Variants in ARFGEF1 observed in about 807,000 individuals in gnomAD.
ARFGEF1 encodes the protein brefeldin A-inhibited guanine nucleotide-exchange protein 1.
A neutral mutation model predicts 231.0 loss-of-function variants in ARFGEF1; 42 were observed. The observed-to-expected ratio is 0.18, with a 90% CI of 0.14 to 0.24. The LOEUF (loss-of-function observed/expected upper bound fraction) is 0.24, where lower values mean the gene tolerates loss of function less well. Among genes scored for constraint, ARFGEF1 ranks in the 10% least tolerant of loss-of-function variants. ARFGEF1 has a pLI of 1.00. For synonymous variants in ARFGEF1, 710 were observed against 732.3 expected, an observed-to-expected ratio of 0.97 and a Z score of 0.49; for missense variants, 1,345 against 2,192.0, an observed-to-expected ratio of 0.61 and a Z score of 7.72.
At chr8:67,305,933 C>A (rs1019129186) in intron 1 of ARFGEF1, among the ~76,000 whole-genome samples, 1 of 151,994 alleles carries the variant, frequency 6.6e-6, no homozygotes, top group African/African-American at 2.4e-5. Context: ...ATACTATGGC[C>A]GTAATTTTCA....
At chr8:67,277,196 T>C in intron 8 of ARFGEF1, 86 bp downstream of exon 8, 4 of 1,351,314 alleles carry the variant, frequency 3.0e-6, no homozygotes, top group Middle Eastern at 1.8e-4. Flanking sequence ...CATCATCAGC[T>C]GAAAATACTC....
At chr8:67,269,418 T>C (rs1401465338) in intron 10 of ARFGEF1, among the ~76,000 whole-genome samples, 1 of 149,658 alleles carries the variant, frequency 6.7e-6, no homozygotes, top group Admixed American at 6.8e-5. Flanking sequence ...AATGGCGCGA[T>C]CTTAGCTCAC....
At chr8:67,220,965 C>T (rs185488963) in intron 29 of ARFGEF1, among the ~76,000 whole-genome samples, 3 of 150,172 alleles carry the variant, frequency 2.0e-5, no homozygotes, top group Admixed American at 1.3e-4. Context: ...TCATGTGCCA[C>T]GTAAGGACAT....
At chr8:67,215,591 G>A (rs578082603) in intron 33 of ARFGEF1, among the ~76,000 whole-genome samples, 2 of 152,302 alleles carry the variant, frequency 1.3e-5, no homozygotes, top group South Asian at 2.1e-4. Flanking sequence ...CACAGTGAGG[G>A]AGACTATGGA....
chr8:67,242,576 C>T (rs542390057), intron 19 of ARFGEF1, among the ~76,000 whole-genome samples: 12 of 152,308 alleles, frequency 7.9e-5, no homozygotes, highest in South Asian at 2.1e-4. Flanking sequence ...CTGTGGGACT[C>T]GGGTGAGACT....
intron 34 of ARFGEF1, among the ~76,000 whole-genome samples, chr8:67,207,605 A>G (rs1319814655): frequency 6.6e-6 from 1 of 152,234 alleles, no homozygotes; most frequent in Non-Finnish European, 1.5e-5. Context: ...AAAGCTAAGC[A>G]GATTTTAACT....
intron 19 of ARFGEF1, among the ~76,000 whole-genome samples, chr8:67,247,617 G>C (rs1047877391): frequency 1.3e-5 from 2 of 150,512 alleles, no homozygotes; most frequent in Admixed American, 1.3e-4. Context: ...GTACTGAAAA[G>C]GGAAAAACAG....
downstream of ARFGEF1, chr8:67,197,583 C>G (rs763931781): frequency 4.4e-4 from 428 of 971,164 alleles, no homozygotes; most frequent in Non-Finnish European, 5.0e-4. Context: ...GTAGTTCTGG[C>G]TGAAAATGTC....
chr8:67,313,045 A>T (rs1807144578), intron 1 of ARFGEF1, among the ~76,000 whole-genome samples: 1 of 152,230 alleles, frequency 6.6e-6, no homozygotes, highest in African/African-American at 2.4e-5. Flanking sequence ...AAAGTAGCAG[A>T]CTTATGCCCT....
chr8:67,286,283 A>C (rs891070074), intron 7 of ARFGEF1, among the ~76,000 whole-genome samples: 1 of 152,242 alleles, frequency 6.6e-6, no homozygotes, highest in Non-Finnish European at 1.5e-5. Context: ...GTGAATCCAG[A>C]TAAAGGACAC....
At chr8:67,240,541 C>A (rs1839897711) in intron 19 of ARFGEF1, among the ~76,000 whole-genome samples, 1 of 152,114 alleles carries the variant, frequency 6.6e-6, no homozygotes, top group South Asian at 2.1e-4. Context: ...TTATTCACAT[C>A]AATTTAAAAA....
In ARFGEF1 at chr8:67,277,057, G is replaced by A. The variant is rs1403320313; in HGVS notation, c.1203+225C>T. On this transcript the variant is annotated intron_variant, in intron 8 of 38. Coordinates refer to ENST00000262215, the MANE Select transcript of ARFGEF1 (RefSeq NM_006421.5). Reference sequence around the variant, plus strand: ...GTGTGGAGAAGATGTAAACATAGATGAGACCTACCTTAAAGTTGGAAATGT... The same window carrying A: ...GTGTGGAGAAGATGTAAACATAGATAAGACCTACCTTAAAGTTGGAAATGT... Among the ~76,000 whole-genome samples the A allele has an allele frequency of 2.6e-5, 4 of 151,880 alleles. No individual in the cohort carries two copies. In the East Asian group the frequency reaches 7.7e-4, roughly 29 times the overall value.
chr8:67,228,783 C>T (rs1025476440), intron 23 of ARFGEF1, among the ~76,000 whole-genome samples: 1 of 152,064 alleles, frequency 6.6e-6, no homozygotes, highest in African/African-American at 2.4e-5. Context: ...TTCCTTAGGG[C>T]ATTCAAATGT....
intron 29 of ARFGEF1, among the ~76,000 whole-genome samples, chr8:67,223,516 A>G (rs61193782): frequency 0.14 from 20,635 of 152,114 alleles, 2,853 homozygotes; most frequent in African/African-American, 0.35. Context: ...CTAAATAGCA[A>G]CCCATACATA....
At chr8:67,274,146 T>A (rs1381609511) in intron 9 of ARFGEF1, among the ~76,000 whole-genome samples, 1 of 152,162 alleles carries the variant, frequency 6.6e-6, no homozygotes, top group Admixed American at 6.5e-5. Flanking sequence ...GTTATACTTT[T>A]GATAGGCAAA....
intron 10 of ARFGEF1, among the ~76,000 whole-genome samples, chr8:67,268,080 T>C (rs952798820): frequency 6.6e-6 from 1 of 152,212 alleles, no homozygotes; most frequent in Non-Finnish European, 1.5e-5. Context: ...GATTTAAATG[T>C]ATTCTATAAA....
At chr8:67,323,605 G>A (rs1411882603) in intron 1 of ARFGEF1, among the ~76,000 whole-genome samples, 1 of 152,062 alleles carries the variant, frequency 6.6e-6, no homozygotes, top group African/African-American at 2.4e-5. Flanking sequence ...CATGTCATTA[G>A]AAACCTCAGA....
intron 1 of ARFGEF1, among the ~76,000 whole-genome samples, chr8:67,329,079 AGC>A (rs766654491): frequency 6.6e-6 from 1 of 151,976 alleles, no homozygotes; most frequent in Non-Finnish European, 1.5e-5. Flanking sequence ...TACAAAAATT[AGC>A]CAGGCATGCT....
At chr8:67,306,010 G>A (rs1288986060) in intron 1 of ARFGEF1, among the ~76,000 whole-genome samples, 2 of 152,184 alleles carry the variant, frequency 1.3e-5, no homozygotes, top group Non-Finnish European at 2.9e-5. Context: ...ACAGACAGAA[G>A]ATTCTTTCTT....
Sources: allele counts gnomAD v4.1 joint callset (sites outside exome capture counted in the v4.1 genomes callset), GRCh38; gene constraint gnomAD v4.1.1; transcripts MANE v1.5; gene names NCBI Gene and HGNC (gene_info 2026-07-23, HGNC 2026-07-21).